The following HMGCLL1 variants were observed in gnomAD, a reference collection of about 807,000 sequenced individuals.
HMGCLL1 encodes the protein 3-hydroxy-3-methylglutaryl-CoA lyase like 1.
In HMGCLL1, 36 loss-of-function variants were observed where a neutral mutation model predicts 39.1. The ratio of observed to expected loss-of-function variants is 0.92; its 90% CI spans 0.71 to 1.22. The LOEUF is 1.22. HMGCLL1 is among the 50% of genes most tolerant of loss of function. HMGCLL1 has a pLI of 0.00. For missense variants in HMGCLL1, 451 were observed against 416.5 expected (o/e 1.08, Z -0.72); for synonymous variants, 149 against 144.0 (o/e 1.03, Z -0.25).
intron 1 of HMGCLL1, among the ~76,000 whole-genome samples, chr6:55,543,706 A>G (rs964082229): frequency 6.7e-6 from 1 of 150,356 alleles, no homozygotes; most frequent in South Asian, 2.1e-4. Flanking sequence ...AAAACAAAAA[A>G]TCAAAAATTA....
rs1769638707 is a variant in HMGCLL1 at position 55,543,219 on chromosome 6, A to G, written c.109-1079T>C. ...TTATATATTATATATTATATATTAT[A>G]TAATATATAATATAGATATAATATA... On this transcript the variant is annotated intron_variant, in intron 1 of 8. Transcript: ENST00000274901. Among the ~76,000 whole-genome samples the G allele has an allele frequency of 1.3e-4, 2 of 15,496 alleles. 1 individual carries two copies. Among genetic ancestry groups the G allele is most frequent in the African/African-American group, 3.8e-4 (2 of 5,238 alleles). The allele number at this position is 15,496 out of a possible 152,430, so 10.2% of individuals were successfully genotyped here.
intron 4 of HMGCLL1, among the ~76,000 whole-genome samples, chr6:55,515,030 A>G (rs1767663010): frequency 6.6e-6 from 1 of 152,074 alleles, no homozygotes; most frequent in South Asian, 2.1e-4. Flanking sequence ...CAAGGTAGGC[A>G]GATCACAAGG....
the HMGCLL1 span, among the ~76,000 whole-genome samples, chr6:55,658,998 G>A: frequency 6.6e-6 from 1 of 151,928 alleles, no homozygotes; most frequent in African/African-American, 2.4e-5. Flanking sequence ...GTCTATATGT[G>A]TAGACAAATT....
chr6:55,477,328 T>TTATATAATATATATTATATTA (rs1554143270), intron 7 of HMGCLL1, among the ~76,000 whole-genome samples: 812 of 18,048 alleles, frequency 0.045, 129 homozygotes, highest in Middle Eastern at 0.071. Context: ...TATATTATAT[T>TTATATAATATATATTATATTA]ATATAATATA....
chr6:55,556,964 A>C (rs1430595951), intron 1 of HMGCLL1, among the ~76,000 whole-genome samples: 1 of 152,192 alleles, frequency 6.6e-6, no homozygotes, highest in Admixed American at 6.5e-5. Context: ...ATGTAATAAA[A>C]AGTAAAGTAA....
upstream of HMGCLL1, among the ~76,000 whole-genome samples, chr6:55,580,446 C>G (rs1294467824): frequency 9.1e-6 from 1 of 109,708 alleles, no homozygotes; most frequent in East Asian, 2.8e-4. Flanking sequence ...GACGGAGTCT[C>G]GCTCTGTCGC....
At chr6:55,665,009 A>C in the HMGCLL1 span, among the ~76,000 whole-genome samples, 1 of 151,636 alleles carries the variant, frequency 6.6e-6, no homozygotes, top group Non-Finnish European at 1.5e-5. Flanking sequence ...GTATACTATC[A>C]CTTCTACCCT....
At chr6:55,452,407 G>A (rs568565087) in intron 7 of HMGCLL1, among the ~76,000 whole-genome samples, 1 of 151,542 alleles carries the variant, frequency 6.6e-6, no homozygotes, top group African/African-American at 2.4e-5. Context: ...CATGAATAAC[G>A]GAGAGCAGAG....
intron 7 of HMGCLL1, among the ~76,000 whole-genome samples, chr6:55,481,797 T>TAC (rs1765763204): frequency 8.9e-6 from 1 of 111,776 alleles, no homozygotes; most frequent in Non-Finnish European, 2.3e-5. Context: ...TATCTATCTA[T>TAC]CTACCTACCT....
chr6:55,522,373 A>C (rs913987227), intron 3 of HMGCLL1, among the ~76,000 whole-genome samples: 1 of 151,990 alleles, frequency 6.6e-6, no homozygotes, highest in Non-Finnish European at 1.5e-5. Flanking sequence ...AATACCTATC[A>C]CCCTTTACTT....
intron 1 of HMGCLL1, among the ~76,000 whole-genome samples, chr6:55,574,882 G>A (rs1459817518): frequency 6.6e-6 from 1 of 151,860 alleles, no homozygotes; most frequent in Non-Finnish European, 1.5e-5. Context: ...GTAACACAAA[G>A]GATCAGAATC....
the HMGCLL1 span, among the ~76,000 whole-genome samples, chr6:55,643,989 C>T: frequency 2.6e-5 from 4 of 151,978 alleles, no homozygotes; most frequent in Non-Finnish European, 4.4e-5. Context: ...AAACTGTTCT[C>T]CATAGTGATT....
At chr6:55,558,258 G>T (rs1044695343) in intron 1 of HMGCLL1, among the ~76,000 whole-genome samples, 3 of 152,176 alleles carry the variant, frequency 2.0e-5, no homozygotes, top group African/African-American at 7.2e-5. Flanking sequence ...TATAGGTTGA[G>T]GATGAAAGCT....
chr6:55,548,250 A>G (rs2127462867), intron 1 of HMGCLL1, among the ~76,000 whole-genome samples: 1 of 152,160 alleles, frequency 6.6e-6, no homozygotes, highest in African/African-American at 2.4e-5. Flanking sequence ...GCCTTCAGTA[A>G]AAGCTTTAGG....
At chr6:55,620,226 G>GATC in the HMGCLL1 span, among the ~76,000 whole-genome samples, 1 of 152,110 alleles carries the variant, frequency 6.6e-6, no homozygotes, top group African/African-American at 2.4e-5. Context: ...GGAATTGCTG[G>GATC]ATCATATGGT....
At chr6:55,639,325 C>A in the HMGCLL1 span, among the ~76,000 whole-genome samples, 1 of 151,152 alleles carries the variant, frequency 6.6e-6, no homozygotes, top group Non-Finnish European at 1.5e-5. Flanking sequence ...TTATTATGTA[C>A]CAACACCTTG....
chr6:55,646,573 A>G, the HMGCLL1 span, among the ~76,000 whole-genome samples: 10 of 151,794 alleles, frequency 6.6e-5, no homozygotes, highest in African/African-American at 2.2e-4. Context: ...TCCATCCCAT[A>G]GGTTTAGGCA....
chr6:55,586,187 G>A, the HMGCLL1 span, among the ~76,000 whole-genome samples: 1 of 152,026 alleles, frequency 6.6e-6, no homozygotes, highest in East Asian at 1.9e-4. Flanking sequence ...AGTGCCAAGT[G>A]AGAAGATAAG....
intron 3 of HMGCLL1, among the ~76,000 whole-genome samples, chr6:55,532,003 A>C (rs778490683): frequency 1.8e-4 from 27 of 152,266 alleles, no homozygotes; most frequent in Non-Finnish European, 3.7e-4. Context: ...CACTTGAATC[A>C]TCTGGAAACT....
Sources: allele counts gnomAD v4.1 joint callset (sites outside exome capture counted in the v4.1 genomes callset), GRCh38; gene constraint gnomAD v4.1.1; transcripts MANE v1.5; gene names NCBI Gene and HGNC (gene_info 2026-07-23, HGNC 2026-07-21).